The following GABRR1 variants were observed in gnomAD, a reference collection of about 807,000 sequenced individuals.
GABRR1 encodes the protein gamma-aminobutyric acid receptor subunit rho-1.
GABRR1 carries 59 observed loss-of-function variants against 55.5 expected under a neutral mutation model. That is an observed-to-expected ratio of 1.06 (90% CI 0.86 to 1.32). The LOEUF (loss-of-function observed/expected upper bound fraction) is 1.32, where lower values mean the gene tolerates loss of function less well. Ranked by LOEUF, GABRR1 falls within the 40% of genes most tolerant of loss-of-function variation. The probability of loss-of-function intolerance (pLI) is 0.00; values close to 1 mark genes in which losing one functional copy is unlikely to be tolerated. For missense variants in GABRR1, 602 were observed against 619.1 expected (o/e 0.97, Z 0.29); for synonymous variants, 213 against 226.0 (o/e 0.94, Z 0.51).
chr6:89,209,199 T>C, intron 1 of GABRR1, among the ~76,000 whole-genome samples: 1 of 152,162 alleles, frequency 6.6e-6, no homozygotes, highest in Non-Finnish European at 1.5e-5. Flanking sequence ...CTTGTACATA[T>C]ATGTCTGAAT....
At chr6:89,226,138 T>G (rs1773199804) in intron 1 of GABRR1, among the ~76,000 whole-genome samples, 1 of 152,164 alleles carries the variant, frequency 6.6e-6, no homozygotes, top group South Asian at 2.1e-4. Context: ...TAAATTTGTT[T>G]GAGTTCATTG....
At chr6:89,179,266 A>T (rs912253788) in intron 9 of GABRR1, among the ~76,000 whole-genome samples, 66 of 151,360 alleles carry the variant, frequency 4.4e-4, no homozygotes, top group Non-Finnish European at 8.5e-4. Context: ...CCCAGGCTGG[A>T]GTGCAATGGC....
At chr6:89,193,675 T>C (rs1055789545) in intron 5 of GABRR1, among the ~76,000 whole-genome samples, 3 of 152,206 alleles carry the variant, frequency 2.0e-5, no homozygotes, top group African/African-American at 7.2e-5. Context: ...GCATTAAAAT[T>C]AAATGTCACA....
intron 2 of GABRR1, among the ~76,000 whole-genome samples, chr6:89,202,298 TG>T (rs1387240274): frequency 2.6e-5 from 4 of 152,072 alleles, no homozygotes; most frequent in African/African-American, 4.8e-5. Context: ...TTTGTTTGTT[TG>T]TTTGTTTGTT....
At chr6:89,201,041 C>G in intron 3 of GABRR1, 118 bp downstream of exon 3, 7 of 727,052 alleles carry the variant, frequency 9.6e-6, no homozygotes, top group African/African-American at 1.8e-5. Context: ...GTCCACCAAG[C>G]ACAACTGAGG....
chr6:89,216,062 G>C (rs944953612), intron 1 of GABRR1, among the ~76,000 whole-genome samples: 2 of 152,188 alleles, frequency 1.3e-5, no homozygotes, highest in African/African-American at 4.8e-5. Flanking sequence ...TTCTGACTCT[G>C]ATGGTAATAG....
At chr6:89,191,415 A>T (rs1772082686) in intron 5 of GABRR1, among the ~76,000 whole-genome samples, 1 of 152,196 alleles carries the variant, frequency 6.6e-6, no homozygotes, top group African/African-American at 2.4e-5. Context: ...CTAAGAACTA[A>T]CTTCAGGGAC....
intron 6 of GABRR1, among the ~76,000 whole-genome samples, chr6:89,188,978 C>A (rs1454367947): frequency 6.6e-6 from 1 of 151,878 alleles, no homozygotes; most frequent in Non-Finnish European, 1.5e-5. Context: ...CTTTCTTCAG[C>A]AGAAATTACA....
At chr6:89,190,304 A>G in intron 5 of GABRR1, 57 bp from the exon 6 acceptor site, 1 of 1,268,330 alleles carries the variant, frequency 7.9e-7, no homozygotes, top group South Asian at 1.3e-5. Flanking sequence ...CGAGTGCAAA[A>G]TGATAAATGG....
chr6:89,179,379 C>T (rs1771647485), intron 9 of GABRR1, among the ~76,000 whole-genome samples: 3 of 152,100 alleles, frequency 2.0e-5, no homozygotes, highest in African/African-American at 7.2e-5. Flanking sequence ...ACCACCATGC[C>T]AGGCTAATTG....
In GABRR1 at chr6:89,217,219, TC is replaced by T; in HGVS notation, c.103del (p.Glu35ArgfsTer27). The T allele has an allele frequency of 6.2e-7, 1 of 1,614,120 alleles. No individual in the cohort carries two copies. Among genetic ancestry groups the T allele is most frequent in the Non-Finnish European group, 8.5e-7 (1 of 1,180,004 alleles). ...CACTCACCTGCCTTTCTTAGACATC[TC>T]GTGGACTTCTCTTCCGGGCCAGTGC... ...RMHWPGREVH[E>X]MSKKGRPQRQ... On this transcript the variant is annotated frameshift_variant, in exon 1 of 10. Transcript: ENST00000454853. LOFTEE classifies it high-confidence loss of function.
chr6:89,191,464 A>G lies in GABRR1; in HGVS notation c.573-1217T>C, dbSNP rs193093488. Among the ~76,000 whole-genome samples, 170 of 152,362 alleles carry G rather than the reference A, an allele frequency of 1.1e-3. 2 individuals carry two copies. The highest frequency in any genetic ancestry group is 4.1e-3 in the South Asian group (20 of 4,832). ...TTTAGAGACATAGAATGCCCAATGAAGGAAATGTTTTGCTACGAACAAGGG... is the reference window on the plus strand; with the variant it reads ...TTTAGAGACATAGAATGCCCAATGAGGGAAATGTTTTGCTACGAACAAGGG... On this transcript the variant is annotated intron_variant, in intron 5 of 9. Transcript: ENST00000454853.
intron 1 of GABRR1, among the ~76,000 whole-genome samples, chr6:89,225,294 G>A (rs13211978): frequency 0.35 from 49,461 of 141,266 alleles, 9,095 homozygotes; most frequent in African/African-American, 0.44. Flanking sequence ...TTTAAGTTTT[G>A]GGGTACATGT....
At chr6:89,202,416 C>T (rs925927298) in intron 2 of GABRR1, among the ~76,000 whole-genome samples, 4 of 152,010 alleles carry the variant, frequency 2.6e-5, no homozygotes, top group Admixed American at 6.6e-5. Flanking sequence ...CTCAGCCTCC[C>T]AAGTAGTTGG....
intron 5 of GABRR1, among the ~76,000 whole-genome samples, chr6:89,190,988 T>C (rs868735390): frequency 6.6e-6 from 1 of 152,244 alleles, no homozygotes. Flanking sequence ...CGATTAACAT[T>C]TGTTCGCTCG....
chr6:89,215,567 T>C (rs1772957394), intron 1 of GABRR1, among the ~76,000 whole-genome samples: 1 of 152,196 alleles, frequency 6.6e-6, no homozygotes, highest in Non-Finnish European at 1.5e-5. Context: ...CAAGAAGTAG[T>C]TTCAGTTAGA....
At chr6:89,184,734 A>T (rs1014597625) in intron 7 of GABRR1, among the ~76,000 whole-genome samples, 3 of 152,162 alleles carry the variant, frequency 2.0e-5, no homozygotes, top group Non-Finnish European at 2.9e-5. Context: ...GTCTCAAATA[A>T]ACCCACTCAA....
intron 3 of GABRR1, among the ~76,000 whole-genome samples, chr6:89,200,494 C>T (rs1473801832): frequency 6.6e-6 from 1 of 151,916 alleles, no homozygotes; most frequent in Non-Finnish European, 1.5e-5. Context: ...GGCAATCTGC[C>T]CACCTCAGCC....
At chr6:89,200,111 A>T (rs1422792086) in intron 3 of GABRR1, among the ~76,000 whole-genome samples, 1 of 152,136 alleles carries the variant, frequency 6.6e-6, no homozygotes, top group Non-Finnish European at 1.5e-5. Flanking sequence ...CATTTGGAGT[A>T]AAAAGGTGGG....
Sources: gnomAD v4.1 joint callset for allele counts (sites outside exome capture counted in the v4.1 genomes callset) on GRCh38, gnomAD v4.1.1 for gene constraint, MANE v1.5 for transcripts, NCBI Gene and HGNC (gene_info 2026-07-23, HGNC 2026-07-21) for gene names.